The following MAMDC4 variants were observed in gnomAD, a reference collection of about 807,000 sequenced individuals.
The protein encoded by MAMDC4 is MAM domain containing 4.
MAMDC4 carries 168 observed loss-of-function variants against 153.3 expected under a neutral mutation model. That is an observed-to-expected ratio of 1.10 (90% confidence interval 0.97 to 1.25). The LOEUF (loss-of-function observed/expected upper bound fraction) is 1.25. Among genes scored for constraint, MAMDC4 ranks in the 50% most tolerant of loss-of-function variants. The pLI, the probability that MAMDC4 is intolerant of heterozygous loss-of-function variation, is 0.00. For missense variants in MAMDC4, 1,701 were observed against 1,542.8 expected, an observed-to-expected ratio of 1.10 and a Z score of -1.72; for synonymous variants, 744 against 651.5, an observed-to-expected ratio of 1.14 and a Z score of -2.16.
At position 136,860,777 on chromosome 9, in the gene MAMDC4, C is replaced by G. The variant is rs1849079873; in HGVS notation, c.*174C>G. The G allele has an allele frequency of 4.6e-6, 3 of 658,862 alleles. No individual in the cohort carries two copies. Among genetic ancestry groups the G allele is most frequent in the Non-Finnish European group, 7.7e-6 (3 of 391,252 alleles). 40.8% of individuals were successfully genotyped at this position (658,862 alleles called of 1,614,324 possible). A position where few individuals can be genotyped will look rare whatever the true frequency, so the allele number is the denominator to read the frequency against. ...ACTCTGTTGCTCTGTGAATAAACAC[C>G]CTGGCCCATGAGGGCAGCCCAAGCT... is the stretch of plus-strand genomic sequence containing the variant. On this transcript the variant is annotated 3_prime_UTR_variant, in exon 27 of 27. Transcript: ENST00000317446.
Position 136,860,036 on chromosome 9 carries a change from CT to C in MAMDC4, c.3345del (p.Gly1116AlafsTer34). 1 of 1,600,468 alleles carries C rather than the reference CT, an allele frequency of 6.2e-7. No homozygotes were observed. The highest frequency in any genetic ancestry group is 8.5e-7 in the Non-Finnish European group (1 of 1,173,820). ...CAGAGCAACACAGAGGCCACAGCCC[CT>C]GGCTTTGACAACATCCTTTTCAATG... Reference protein sequence around the residue: ...PFQSNTEATAPGFDNILFNAD... With the variant: ...PFQSNTEATAXGFDNILFNAD... On this transcript the variant is annotated frameshift_variant, in exon 26 of 27. Coordinates refer to ENST00000317446, the MANE Select transcript of MAMDC4 (RefSeq NM_206920.3). LOFTEE classifies it high-confidence loss of function.
At position 136,858,490 on chromosome 9, in the gene MAMDC4, C is replaced by T. The variant is rs764810704; in HGVS notation, c.2765C>T (p.Ala922Val). 1.0e-5 allele frequency: 16 copies of T among 1,607,708 alleles called. No individual in the cohort carries two copies. The highest frequency in any genetic ancestry group is 1.3e-5 in the Non-Finnish European group (15 of 1,178,654). ...TACAGCTGGGACTGGGGCGGGGGAG[C>T]CACCCCCTCTCGTTACCCCCAGCCC... ...GGYSWDWGGGATPSRYPQPPV... is the reference protein window; with the variant it reads ...GGYSWDWGGGVTPSRYPQPPV... Residue 922 changes from alanine to valine, a missense_variant, in exon 22 of 27, where the codon GCC becomes GTC. Transcript: ENST00000317446.
chr9:136,855,395 CA>C lies in MAMDC4; in HGVS notation c.1283-35del, dbSNP rs781749565. On this transcript the variant is annotated intron_variant, in intron 11 of 26. Transcript: ENST00000317446. ...TGCCCTGGAGAGGCACAGCACTCCC[CA>C]TCCCTGCCTCCTGACACCAGTTCTG... 3 of 1,602,836 alleles carry C rather than the reference CA, an allele frequency of 1.9e-6. No homozygotes were observed. In the East Asian group the frequency reaches 6.7e-5, roughly 36 times the overall value.
At position 136,857,497 on chromosome 9, in the gene MAMDC4, G is replaced by A. The variant is rs758246024; in HGVS notation, c.2237G>A (p.Gly746Glu). 3.1e-6 allele frequency: 5 copies of A among 1,610,070 alleles called. No individual in the cohort carries two copies. In the South Asian group the frequency reaches 5.5e-5, roughly 18 times the overall value. Residue 746 changes from glycine to glutamate, a missense_variant, in exon 18 of 27, where the codon GGA becomes GAA. Physicochemically the swap from Gly to Glu is moderately conservative, Grantham distance 98. Transcript: ENST00000317446. ...GACTCAGACTGCGGCTTCTCCCCTG[G>A]AGGCCAAGGTCTCTGGAGGCGGCAG... ...FEDSDCGFSP[G>E]GQGLWRRQAN...
intron 1 of MAMDC4, among the ~76,000 whole-genome samples, chr9:136,852,674 T>C (rs1004825169): frequency 2.0e-5 from 3 of 152,078 alleles, no homozygotes; most frequent in African/African-American, 7.2e-5. Flanking sequence ...GAGGCACGAC[T>C]CCCCTCCCAG....
intron 13 of MAMDC4, 38 bp downstream of exon 13, chr9:136,855,886 G>T (rs747827887): frequency 1.6e-5 from 24 of 1,479,728 alleles, no homozygotes; most frequent in Non-Finnish European, 2.1e-5. Context: ...CCCCGCCCGG[G>T]TGTGAGCAGC....
Position 136,853,832 on chromosome 9 carries a change from GCAGAGCACAGGGC to G in MAMDC4, c.512_524del (p.Gln171ProfsTer11). ...ATGGCGCAGAGACCCTGACCCTGTG[GCAGAGCACAGGGC>G]CCTGGGGCCCTGGCTGGCAGGAGTT... On this transcript the variant is annotated frameshift_variant, in exon 5 of 27. Coordinates refer to ENST00000317446, the MANE Select transcript of MAMDC4 (RefSeq NM_206920.3). LOFTEE classifies it high-confidence loss of function. 6.4e-7 allele frequency: 1 copy of G among 1,560,912 alleles called. No individual in the cohort carries two copies. Among genetic ancestry groups the G allele is most frequent in the Non-Finnish European group, 8.8e-7 (1 of 1,134,956 alleles).
intron 19 of MAMDC4, 50 bp from the exon 20 acceptor site, chr9:136,857,929 C>T (rs1426068735): frequency 2.7e-6 from 4 of 1,470,090 alleles, no homozygotes; most frequent in East Asian, 4.9e-5. Context: ...CAGACCAGGG[C>T]CTGCAGGTGC....
intron 21 of MAMDC4, 35 bp from the exon 22 acceptor site, chr9:136,858,365 T>C (rs1459823045): frequency 6.2e-7 from 1 of 1,600,190 alleles, no homozygotes; most frequent in Non-Finnish European, 8.5e-7. Context: ...GCTTGGGCCG[T>C]GGGGCAGCAC....
chr9:136,858,773 G>A lies in MAMDC4; in HGVS notation c.2876G>A (p.Trp959Ter). 1 of 1,610,908 alleles carries A rather than the reference G, an allele frequency of 6.2e-7. No individual in the cohort carries two copies. Among genetic ancestry groups the A allele is most frequent in the Non-Finnish European group, 8.5e-7 (1 of 1,179,218 alleles). The part of the protein sequence containing the change: ...GVLGPGGRAA[W>*]LRSEPLPATP... ...CTGGGCCCCGGGGGCCGGGCCGCCT[G>A]GCTGCGCAGCGAGCCTCTGCCGGCC... The change falls in exon 23 of 27, where the codon TGG becomes TAG. Residue 959 changes from tryptophan to a stop codon, truncating the protein, a stop_gained. Coordinates refer to ENST00000317446, the MANE Select transcript of MAMDC4 (RefSeq NM_206920.3). LOFTEE classifies it high-confidence loss of function.
chr9:136,854,592 G>A lies in MAMDC4; in HGVS notation c.850G>A (p.Glu284Lys), dbSNP rs1588391695. The change falls in exon 8 of 27, where the codon GAA becomes AAA. Residue 284 changes from glutamate to lysine, a missense_variant. Coordinates refer to ENST00000317446, the MANE Select transcript of MAMDC4 (RefSeq NM_206920.3). ...AGGCCTGGGCCCATGGAACCGCTCG[G>A]AAGGCTGGTCCCGGAACCACCGCGC... is the stretch of plus-strand genomic sequence containing the variant. ...ETGLGPWNRS[E>K]GWSRNHRAGG... is the part of the protein sequence containing the mutation. 6.2e-7 allele frequency: 1 copy of A among 1,607,942 alleles called. No homozygotes were observed. The highest frequency in any genetic ancestry group is 2.2e-5 in the East Asian group (1 of 44,474).
intron 16 of MAMDC4, 50 bp from the exon 17 acceptor site, chr9:136,857,115 C>G (rs1849016978): frequency 6.8e-6 from 11 of 1,605,982 alleles, no homozygotes; most frequent in Non-Finnish European, 9.4e-6. Flanking sequence ...CTCTGACACC[C>G]ATCAAGGCAC....
Position 136,860,721 on chromosome 9 carries a change from C to T in MAMDC4, c.*118C>T. The T allele has an allele frequency of 8.8e-7, 1 of 1,142,680 alleles. No homozygotes were observed. The highest frequency in any genetic ancestry group is 1.3e-6 in the Non-Finnish European group (1 of 776,760). The allele number at this position is 1,142,680 out of a possible 1,614,324, so 70.8% of individuals were successfully genotyped here. Reference sequence around the variant, plus strand: ...GACAGGCTGCAGGTCTCAGGATATGCTGAGGCCTGGGCGTTCCCTGCCCTG... The same window carrying T: ...GACAGGCTGCAGGTCTCAGGATATGTTGAGGCCTGGGCGTTCCCTGCCCTG... On this transcript the variant is annotated 3_prime_UTR_variant, in exon 27 of 27. Coordinates refer to ENST00000317446, the MANE Select transcript of MAMDC4 (RefSeq NM_206920.3).
rs199559619 is a variant in MAMDC4 at position 136,856,833 on chromosome 9, T to C, written c.1837+7T>C. ...GACCACACCACAGGCCAAGGTAGGA[T>C]GGGCGCTCAGACCGGGGGTGGCTTT... On this transcript the variant is annotated splice_region_variant and intron_variant, in intron 15 of 26. Transcript: ENST00000317446. 62 of 1,612,334 alleles carry C rather than the reference T, an allele frequency of 3.8e-5. No homozygotes were observed. The highest frequency in any genetic ancestry group is 5.2e-5 in the Non-Finnish European group (61 of 1,179,822).
At chr9:136,860,483 T>G in intron 26 of MAMDC4, 79 bp from the exon 27 acceptor site, 1 of 1,474,238 alleles carries the variant, frequency 6.8e-7, no homozygotes, top group Non-Finnish European at 9.2e-7. Context: ...ATCGTGCCAT[T>G]GCACTCCATC....
chr9:136,858,941 C>T, intron 23 of MAMDC4, 64 bp from the exon 24 acceptor site: 1 of 1,527,466 alleles, frequency 6.5e-7, no homozygotes, highest in Non-Finnish European at 8.8e-7. Context: ...CCCCAGCCCG[C>T]CCCTGGTTAG....
rs368190960 is a variant in MAMDC4 at position 136,855,788 on chromosome 9, C to T, written c.1528C>T (p.Arg510Trp). Reference sequence around the variant, plus strand: ...GGGCTGGGAGGACGCCAGCGTGGGGCGGCTGCAGTGGCGGCGTGTCTCAGC... The same window carrying T: ...GGGCTGGGAGGACGCCAGCGTGGGGTGGCTGCAGTGGCGGCGTGTCTCAGC... Reference protein sequence around the residue: ...AGGWEDASVGRLQWRRVSAQE... With the variant: ...AGGWEDASVGWLQWRRVSAQE... Residue 510 changes from arginine to tryptophan, a missense_variant, in exon 13 of 27, where the codon CGG becomes TGG. By Grantham distance (101) the Arg-to-Trp change is moderately radical (BLOSUM62 -3). Coordinates refer to ENST00000317446, the MANE Select transcript of MAMDC4 (RefSeq NM_206920.3). 3.1e-5 allele frequency: 49 copies of T among 1,555,888 alleles called. 2 individuals are homozygous for T. The highest frequency in any genetic ancestry group is 3.0e-4 in the South Asian group (25 of 84,028).
chr9:136,858,116 GCCCCTCCCCCTC>G lies in MAMDC4; in HGVS notation c.2583+30_2583+41del, dbSNP rs374062342. On this transcript the variant is annotated intron_variant, in intron 20 of 26. Coordinates refer to ENST00000317446, the MANE Select transcript of MAMDC4 (RefSeq NM_206920.3). ...CTGGAGGGTGAGTGCAGGGTGGGGT[GCCCCTCCCCCTC>G]CCCCTCCCCCGAGGGCTGCCTGGAC... The G allele has an allele frequency of 7.2e-6, 11 of 1,529,044 alleles. No individual in the cohort carries two copies. Among genetic ancestry groups the G allele is most frequent in the African/African-American group, 4.1e-5 (3 of 72,458 alleles). The allele number at this position is 1,529,044 out of a possible 1,614,324, so 94.7% of individuals were successfully genotyped here.
rs1477883086 is a variant in MAMDC4 at position 136,854,315 on chromosome 9, G to A, written c.775G>A (p.Asp259Asn). 3.2e-6 allele frequency: 5 copies of A among 1,586,910 alleles called. No homozygotes were observed. Among genetic ancestry groups the A allele is most frequent in the Admixed American group, 1.8e-5 (1 of 56,490 alleles). The change falls in exon 7 of 27, where the codon GAT (aspartate) becomes AAT (asparagine). Residue 259 changes from aspartate to asparagine, a missense_variant. Transcript: ENST00000317446. ...GGAAGACAACTGCGGGGACCTGTCT[G>A]ATGAGAACCCACTCACCTGTGGTGA... Reference protein sequence around the residue: ...DGEDNCGDLSDENPLTCGRHI... With the variant: ...DGEDNCGDLSNENPLTCGRHI...
Sources: gnomAD v4.1 joint callset for allele counts (sites outside exome capture counted in the v4.1 genomes callset) on GRCh38, gnomAD v4.1.1 for gene constraint, MANE v1.5 for transcripts, NCBI Gene and HGNC (gene_info 2026-07-23, HGNC 2026-07-21) for gene names.